OPCML: variants seen among roughly 807,000 people sequenced by gnomAD.
OPCML encodes the protein opioid-binding protein/cell adhesion molecule.
Under a neutral mutation model 37.8 loss-of-function variants are expected in OPCML, and 13 were observed. The ratio of observed to expected loss-of-function variants is 0.34; its 90% confidence interval spans 0.22 to 0.55. The LOEUF is 0.55. Among genes scored for constraint, OPCML ranks in the 20% least tolerant of loss-of-function variants. The pLI, the probability that OPCML is intolerant of heterozygous loss-of-function variation, is 0.91. For missense variants in OPCML, 341 were observed against 435.6 expected, an observed-to-expected ratio of 0.78 and a Z score of 1.93; for synonymous variants, 176 against 168.8, an observed-to-expected ratio of 1.04 and a Z score of -0.33.
intron 1 of OPCML, among the ~76,000 whole-genome samples, chr11:133,261,358 C>T (rs896943856): frequency 6.6e-5 from 10 of 152,194 alleles, no homozygotes; most frequent in African/African-American, 2.4e-4. Context: ...CTGTCCCCCC[C>T]ATCTTTCCAG....
At chr11:132,857,198 T>C (rs766897550) in intron 2 of OPCML, among the ~76,000 whole-genome samples, 4 of 152,254 alleles carry the variant, frequency 2.6e-5, no homozygotes, top group African/African-American at 9.6e-5. Flanking sequence ...AAGTATTTCA[T>C]AGCGAGTTTA....
chr11:133,454,831 C>G (rs1440957345), intron 1 of OPCML, among the ~76,000 whole-genome samples: 1 of 152,154 alleles, frequency 6.6e-6, no homozygotes, highest in East Asian at 1.9e-4. Flanking sequence ...GGATGTATCA[C>G]TTATCAACAT....
chr11:132,576,691 T>A lies in OPCML; in HGVS notation c.380-47505A>T, dbSNP rs117494436. Among the ~76,000 whole-genome samples the A allele has an allele frequency of 7.2e-3, 1,100 of 152,280 alleles. 6 individuals carry two copies. Among genetic ancestry groups the A allele is most frequent in the Non-Finnish European group, 0.012 (831 of 68,024 alleles). On this transcript the variant is annotated intron_variant, in intron 3 of 7. Transcript: ENST00000524381. ...TGATTCTTCATTTTCCTTGACTCTT[T>A]ATGTTGGTGTCTGCATATTAGATTG... is the stretch of plus-strand genomic sequence containing the variant.
chr11:132,435,161 G>T (rs2096008865), intron 7 of OPCML: 1 of 1,286,566 alleles, frequency 7.8e-7, no homozygotes, highest in Non-Finnish European at 1.0e-6. Flanking sequence ...GTACCCACCT[G>T]CCACTGCTGA....
At position 132,553,989 on chromosome 11, in the gene OPCML, A is replaced by G. The variant is rs138605030; in HGVS notation, c.380-24803T>C. Among the ~76,000 whole-genome samples the G allele has an allele frequency of 1.2e-4, 19 of 152,276 alleles. No individual in the cohort carries two copies. In the East Asian group the frequency reaches 3.7e-3, roughly 29 times the overall value. ...CCCTTTATCATCTTTGCTGAACCCC[A>G]GGAGTGATGAGGAGCTGGCCAATGG... On this transcript the variant is annotated intron_variant, in intron 3 of 7. Transcript: ENST00000524381.
At chr11:132,790,065 A>T (rs1488071256) in intron 2 of OPCML, among the ~76,000 whole-genome samples, 1 of 152,250 alleles carries the variant, frequency 6.6e-6, no homozygotes, top group Admixed American at 6.5e-5. Flanking sequence ...TAGAACTACC[A>T]TATTATCTAG....
chr11:132,628,895 C>G (rs542601328), intron 3 of OPCML, among the ~76,000 whole-genome samples: 5 of 152,124 alleles, frequency 3.3e-5, no homozygotes, highest in Non-Finnish European at 7.4e-5. Context: ...TGTTTACTTC[C>G]CCTTCCGCCA....
At chr11:133,414,766 G>A (rs1945725533) in intron 1 of OPCML, among the ~76,000 whole-genome samples, 1 of 152,090 alleles carries the variant, frequency 6.6e-6, no homozygotes. Flanking sequence ...CGAACAGACT[G>A]TGCCATTTGA....
At chr11:132,971,254 G>A (rs1946336857) in intron 1 of OPCML, among the ~76,000 whole-genome samples, 1 of 152,146 alleles carries the variant, frequency 6.6e-6, no homozygotes, top group African/African-American at 2.4e-5. Flanking sequence ...CTTGCACATA[G>A]TAGGTGATCA....
At chr11:132,898,312 G>A (rs1943923367) in intron 2 of OPCML, among the ~76,000 whole-genome samples, 1 of 152,182 alleles carries the variant, frequency 6.6e-6, no homozygotes, top group Non-Finnish European at 1.5e-5. Context: ...ACATGGGTTT[G>A]CCTTCCCTCC....
chr11:133,324,214 GA>G (rs1416340954), intron 1 of OPCML, among the ~76,000 whole-genome samples: 4 of 152,292 alleles, frequency 2.6e-5, no homozygotes, highest in Admixed American at 2.6e-4. Context: ...CTGAATATTT[GA>G]AGAGGGTCTT....
At chr11:133,470,962 C>T (rs2137005610) in intron 1 of OPCML, among the ~76,000 whole-genome samples, 1 of 152,288 alleles carries the variant, frequency 6.6e-6, no homozygotes. Flanking sequence ...CTGAGCTGTC[C>T]ACCAAATCAA....
intron 1 of OPCML, among the ~76,000 whole-genome samples, chr11:133,059,869 C>T (rs539964580): frequency 5.3e-5 from 8 of 152,280 alleles, no homozygotes; most frequent in Admixed American, 4.6e-4. Context: ...TCATGGAAAC[C>T]AACTCACAGT....
In OPCML at chr11:132,920,467, T is replaced by A. The variant is rs149736095; in HGVS notation, c.146+22459A>T. ...GCAAAAGAGCATGTGAAAAGCTACATCAGTTAAAAGGACACTGGGTGCTCT... is the reference window on the plus strand; with the variant it reads ...GCAAAAGAGCATGTGAAAAGCTACAACAGTTAAAAGGACACTGGGTGCTCT... On this transcript the variant is annotated intron_variant, in intron 2 of 7. Coordinates refer to ENST00000524381, the MANE Select transcript of OPCML (RefSeq NM_001012393.5). Among the ~76,000 whole-genome samples, 138 of 152,234 alleles carry A rather than the reference T, an allele frequency of 9.1e-4. 1 individual carries two copies. Among genetic ancestry groups the A allele is most frequent in the South Asian group, 3.9e-3 (19 of 4,832 alleles).
intron 3 of OPCML, among the ~76,000 whole-genome samples, chr11:132,565,905 C>A (rs953055131): frequency 6.6e-6 from 1 of 152,088 alleles, no homozygotes; most frequent in African/African-American, 2.4e-5. Context: ...TGGTGGCGGG[C>A]GCCTGCAGTC....
rs573059514 is a variant in OPCML at position 132,698,618 on chromosome 11, T to C, written c.147-41299A>G. ...ACTCTGTTGATTATTTTATTTGCTG[T>C]ATATGTCTTTTAGTTTGATGCAATT... On this transcript the variant is annotated intron_variant, in intron 2 of 7. Transcript: ENST00000524381. 1.2e-4 allele frequency among the ~76,000 whole-genome samples: 19 copies of C among 152,358 alleles called. No homozygotes were observed. The South Asian group carries it at 3.9e-3, about 32-fold the overall frequency.
At chr11:132,576,145 T>C (rs2096450082) in intron 3 of OPCML, among the ~76,000 whole-genome samples, 1 of 152,070 alleles carries the variant, frequency 6.6e-6, no homozygotes. Context: ...ATTTTAGGAG[T>C]TCATTTTACT....
intron 2 of OPCML, among the ~76,000 whole-genome samples, chr11:132,669,030 T>A (rs967565105): frequency 6.6e-6 from 1 of 152,100 alleles, no homozygotes; most frequent in African/African-American, 2.4e-5. Context: ...TGGGCTGGTT[T>A]CTAGATTGAT....
chr11:133,030,889 T>G (rs1217108386), intron 1 of OPCML, among the ~76,000 whole-genome samples: 1 of 148,872 alleles, frequency 6.7e-6, no homozygotes, highest in Non-Finnish European at 1.5e-5. Flanking sequence ...TTTGGACTTT[T>G]TTTTTTCCAA....
Sources: allele counts gnomAD v4.1 joint callset (sites outside exome capture counted in the v4.1 genomes callset), GRCh38; gene constraint gnomAD v4.1.1; transcripts MANE v1.5; gene names NCBI Gene and HGNC (gene_info 2026-07-23, HGNC 2026-07-21).